The following DMXL2 variants were observed in gnomAD, a reference collection of about 807,000 sequenced individuals.
DMXL2 encodes the protein Dmx like 2, also known as dmX-like protein 2.
A neutral mutation model predicts 331.1 loss-of-function variants in DMXL2; 103 were observed. That is an observed-to-expected ratio of 0.31 (90% CI 0.27 to 0.37). The LOEUF is 0.37. DMXL2 is among the 10% of genes least tolerant of loss of function. DMXL2 has a pLI of 1.00. For synonymous variants in DMXL2, 1,281 were observed against 1,252.1 expected (o/e 1.02, Z -0.49); for missense variants, 3,171 against 3,642.9 (o/e 0.87, Z 3.33).
chr15:51,459,781 G>A, intron 33 of DMXL2, 121 bp from the exon 34 acceptor site: 1 of 1,202,362 alleles, frequency 8.3e-7, no homozygotes. Flanking sequence ...AAATGAATTT[G>A]CAAAATCAAG....
rs1468429947 is a variant in DMXL2, at chr15:51,538,346, T to C, written c.1212A>G (p.Thr404=). The C allele has an allele frequency of 6.2e-7, 1 of 1,613,846 alleles. No individual in the cohort carries two copies. Among genetic ancestry groups the C allele is most frequent in the Non-Finnish European group, 8.5e-7 (1 of 1,179,818 alleles). Residue 404 remains threonine, a synonymous_variant, in exon 10 of 44, where the codon ACA becomes ACG. Coordinates refer to ENST00000560891, the MANE Select transcript of DMXL2 (RefSeq NM_001378457.1). Reference sequence around the variant, plus strand: ...TTCGTAATTGATGCATAAATACTTCTGTAGATGATGTAAAATGAAATTCCT... The same window carrying C: ...TTCGTAATTGATGCATAAATACTTCCGTAGATGATGTAAAATGAAATTCCT... The part of the protein sequence containing the change: ...NNKEFHFTSS[T]EVFMHQLRKL...
At chr15:51,602,980 A>G (rs2053334665) in intron 1 of DMXL2, among the ~76,000 whole-genome samples, 1 of 152,266 alleles carries the variant, frequency 6.6e-6, no homozygotes, top group Non-Finnish European at 1.5e-5. Context: ...TGTTGAAATC[A>G]ACTGACAAAG....
chr15:51,502,636 T>C (rs1417839163), intron 17 of DMXL2, among the ~76,000 whole-genome samples, 170 bp downstream of exon 17: 1 of 152,206 alleles, frequency 6.6e-6, no homozygotes, highest in African/African-American at 2.4e-5. Flanking sequence ...AAATTATTTC[T>C]AATAAAGACA....
At chr15:51,522,571 G>A (rs1177077529) in intron 13 of DMXL2, among the ~76,000 whole-genome samples, 1 of 152,200 alleles carries the variant, frequency 6.6e-6, no homozygotes, top group Admixed American at 6.5e-5. Context: ...TTGAACCTAG[G>A]AGGCAGCGGT....
intron 13 of DMXL2, among the ~76,000 whole-genome samples, chr15:51,526,471 T>A (rs2047683496): frequency 6.6e-6 from 1 of 152,138 alleles, no homozygotes; most frequent in South Asian, 2.1e-4. Context: ...AACAAATACC[T>A]AACTCCTCAA....
At chr15:51,456,798 T>C (rs1210459258) in intron 37 of DMXL2, among the ~76,000 whole-genome samples, 1 of 152,210 alleles carries the variant, frequency 6.6e-6, no homozygotes, top group African/African-American at 2.4e-5. Context: ...TGTTTATTCA[T>C]CTGTAAAATG....
rs147209684 is a variant in DMXL2 at position 51,548,294 on chromosome 15, A to G, written c.568-886T>C. Among the ~76,000 whole-genome samples, 201 of 152,266 alleles carry G rather than the reference A, an allele frequency of 1.3e-3. 1 individual carries two copies. The highest frequency in any genetic ancestry group is 4.4e-3 in the African/African-American group (184 of 41,564). On this transcript the variant is annotated intron_variant, in intron 6 of 43. Coordinates refer to ENST00000560891, the MANE Select transcript of DMXL2 (RefSeq NM_001378457.1). Reference sequence around the variant, plus strand: ...AATTATGTATTCCTGAAAAGTATGCATTGACCCAAATATTTTCATTTGGAC... The same window carrying G: ...AATTATGTATTCCTGAAAAGTATGCGTTGACCCAAATATTTTCATTTGGAC...
In DMXL2 at chr15:51,456,325, G is replaced by A. The variant is rs2141210643; in HGVS notation, c.8382C>T (p.His2794=). Residue 2794 remains histidine (H), a synonymous_variant, in exon 38 of 44, where the codon CAC becomes CAT. Transcript: ENST00000560891. ...AATACTTACAGTATTGATGGACTGG[G>A]TGTGAAGTCATTCTCTTAACATTAT... ...NLHNVKRMTS[H]PVHQYYLTGA... is the part of the protein sequence containing the mutation. 6.3e-7 allele frequency: 1 copy of A among 1,598,118 alleles called. No homozygotes were observed. The highest frequency in any genetic ancestry group is 8.5e-7 in the Non-Finnish European group (1 of 1,173,686).
intron 33 of DMXL2, among the ~76,000 whole-genome samples, chr15:51,462,059 G>A (rs2140253342): frequency 6.6e-6 from 1 of 152,232 alleles, no homozygotes; most frequent in Non-Finnish European, 1.5e-5. Context: ...GGTCTCTACA[G>A]TTCATTCTTC....
chr15:51,588,695 T>C (rs1567156243), intron 1 of DMXL2, among the ~76,000 whole-genome samples: 1 of 152,188 alleles, frequency 6.6e-6, no homozygotes, highest in Non-Finnish European at 1.5e-5. Flanking sequence ...GCTCAAATAG[T>C]ATGATTAAAC....
chr15:51,586,983 T>TA (rs34212997), intron 1 of DMXL2, among the ~76,000 whole-genome samples: 47,519 of 144,238 alleles, frequency 0.33, 8,491 homozygotes, highest in East Asian at 0.56. Context: ...CAAAAATCTC[T>TA]AAAAAAAAAA....
Position 51,481,613 on chromosome 15 carries a change from C to T in DMXL2, c.5493G>A (p.Lys1831=). ...KEDDEHQVII[K]SCNPVAFSFY... ...AACTAAATGCCACCGGGTTACAAGA[C>T]TTGATGATAACTATAGAAATCAAAC... is the stretch of plus-strand genomic sequence containing the variant. The change falls in exon 24 of 44, where the codon AAG becomes AAA. Residue 1831 remains lysine, a synonymous_variant. Coordinates refer to ENST00000560891, the MANE Select transcript of DMXL2 (RefSeq NM_001378457.1). The T allele has an allele frequency of 1.3e-6, 2 of 1,550,506 alleles. No homozygotes were observed. Among genetic ancestry groups the T allele is most frequent in the Non-Finnish European group, 1.7e-6 (2 of 1,152,320 alleles).
At chr15:51,462,777 G>T (rs1223950093) in intron 33 of DMXL2, among the ~76,000 whole-genome samples, 1 of 152,084 alleles carries the variant, frequency 6.6e-6, no homozygotes, top group Non-Finnish European at 1.5e-5. Context: ...TAAGGAAGAG[G>T]TCACTTGCCA....
chr15:51,537,452 A>C, intron 11 of DMXL2, 36 bp downstream of exon 11: 1 of 1,538,334 alleles, frequency 6.5e-7, no homozygotes, highest in Non-Finnish European at 8.8e-7. Context: ...TTACTATTTT[A>C]AGAAATGTAA....
intron 1 of DMXL2, among the ~76,000 whole-genome samples, chr15:51,610,833 G>A (rs538248697): frequency 2.0e-5 from 3 of 151,456 alleles, no homozygotes; most frequent in African/African-American, 7.3e-5. Flanking sequence ...AAGACTAGAA[G>A]TACATACCGC....
intron 1 of DMXL2, among the ~76,000 whole-genome samples, chr15:51,577,311 G>C (rs1198800054): frequency 1.3e-5 from 2 of 152,112 alleles, no homozygotes; most frequent in Non-Finnish European, 2.9e-5. Context: ...ATCCATATAA[G>C]GCTGCTAATG....
At chr15:51,485,911 T>A (rs944394967) in intron 23 of DMXL2, among the ~76,000 whole-genome samples, 162 bp downstream of exon 23, 2 of 152,202 alleles carry the variant, frequency 1.3e-5, no homozygotes, top group Non-Finnish European at 2.9e-5. Context: ...AATAGGATGG[T>A]AATCCTATCT....
intron 9 of DMXL2, among the ~76,000 whole-genome samples, chr15:51,540,424 T>G (rs942598554): frequency 2.0e-5 from 3 of 152,162 alleles, no homozygotes; most frequent in Non-Finnish European, 2.9e-5. Flanking sequence ...ATATTTAGGA[T>G]AATTAGGGTA....
intron 1 of DMXL2, among the ~76,000 whole-genome samples, chr15:51,602,289 T>G (rs2053280491): frequency 6.6e-6 from 1 of 152,104 alleles, no homozygotes; most frequent in Non-Finnish European, 1.5e-5. Flanking sequence ...AGGAGACTCT[T>G]AATGTTCACA....
Sources: allele counts gnomAD v4.1 joint callset (sites outside exome capture counted in the v4.1 genomes callset), GRCh38; gene constraint gnomAD v4.1.1; transcripts MANE v1.5; gene names NCBI Gene and HGNC (gene_info 2026-07-23, HGNC 2026-07-21).